DPYD: variants seen among roughly 807,000 people sequenced by gnomAD.
DPYD encodes the protein dihydropyrimidine dehydrogenase [NADP(+)].
In DPYD, 109 loss-of-function variants were observed where a neutral mutation model predicts 116.2. That is an observed-to-expected ratio of 0.94 (90% confidence interval 0.80 to 1.10). DPYD has a LOEUF of 1.10. Ranked by LOEUF, DPYD falls within the 50% of genes least tolerant of loss-of-function variation. The pLI, the probability that DPYD is intolerant of heterozygous loss-of-function variation, is 0.00. For missense variants in DPYD, 1,302 were observed against 1,254.5 expected (o/e 1.04, Z -0.57); for synonymous variants, 440 against 432.0 (o/e 1.02, Z -0.23).
intron 8 of DPYD, among the ~76,000 whole-genome samples, chr1:97,643,462 T>C (rs1004525979): frequency 3.9e-5 from 6 of 152,088 alleles, no homozygotes; most frequent in African/African-American, 1.2e-4. Context: ...TGTGGAGAAA[T>C]AGGAACACTT....
At chr1:97,553,781 G>C (rs1189239046) in intron 11 of DPYD, among the ~76,000 whole-genome samples, 3 of 152,004 alleles carry the variant, frequency 2.0e-5, no homozygotes, top group Non-Finnish European at 4.4e-5. Context: ...GAGCTCCATA[G>C]TTGAACAGAA....
intron 3 of DPYD, among the ~76,000 whole-genome samples, chr1:97,754,862 C>T (rs1665142363): frequency 6.6e-6 from 1 of 152,202 alleles, no homozygotes; most frequent in African/African-American, 2.4e-5. Context: ...ATTCCTCTAT[C>T]TTCAAAGCCT....
chr1:97,921,037 G>A (rs894896032), upstream of DPYD: 34 of 1,348,520 alleles, frequency 2.5e-5, no homozygotes, highest in Non-Finnish European at 3.2e-5. Context: ...GGCAGACTAG[G>A]GCCGGCGGCG....
At chr1:97,918,529 T>C (rs1674341551) in intron 1 of DPYD, among the ~76,000 whole-genome samples, 2 of 152,220 alleles carry the variant, frequency 1.3e-5, no homozygotes, top group African/African-American at 2.4e-5. Flanking sequence ...ATTCCAGCTA[T>C]GGAGTTTGGT....
intron 3 of DPYD, among the ~76,000 whole-genome samples, chr1:97,767,718 C>T (rs965622506): frequency 6.9e-6 from 1 of 144,276 alleles, no homozygotes; most frequent in African/African-American, 2.5e-5. Flanking sequence ...AGTAATAATA[C>T]ATGTTTATTA....
At chr1:97,738,941 A>G (rs1025377609) in intron 4 of DPYD, among the ~76,000 whole-genome samples, 2 of 152,098 alleles carry the variant, frequency 1.3e-5, no homozygotes, top group African/African-American at 4.8e-5. Context: ...TAGACCTTGA[A>G]TAAATGAAGT....
At position 97,809,467 on chromosome 1, in the gene DPYD, T is replaced by C. The variant is rs75422842; in HGVS notation, c.233+18647A>G. Among the ~76,000 whole-genome samples the C allele has an allele frequency of 6.6e-3, 998 of 152,318 alleles. 15 individuals carry two copies. The highest frequency in any genetic ancestry group is 0.023 in the African/African-American group (940 of 41,574). ...GGTGGCTTGGACTGAAGTGGTAGTC[T>C]TAGAGGCTGTCAGTCTTTTAATATT... On this transcript the variant is annotated intron_variant, in intron 3 of 22. Coordinates refer to ENST00000370192, the MANE Select transcript of DPYD (RefSeq NM_000110.4).
At chr1:97,470,543 T>G (rs1248905044) in intron 13 of DPYD, among the ~76,000 whole-genome samples, 1 of 152,148 alleles carries the variant, frequency 6.6e-6, no homozygotes, top group Non-Finnish European at 1.5e-5. Flanking sequence ...TTATCTTTGG[T>G]GAATGGATGC....
intron 18 of DPYD, among the ~76,000 whole-genome samples, chr1:97,301,303 A>G (rs1024658261): frequency 1.3e-5 from 2 of 152,074 alleles, no homozygotes; most frequent in African/African-American, 4.8e-5. Flanking sequence ...TTGTAATTGT[A>G]TAAGTTCATA....
chr1:97,527,285 G>C (rs185942629), intron 12 of DPYD, among the ~76,000 whole-genome samples: 27 of 152,130 alleles, frequency 1.8e-4, no homozygotes, highest in African/African-American at 5.3e-4. Context: ...CACCATGTTG[G>C]CCAGGATGGT....
intron 20 of DPYD, among the ~76,000 whole-genome samples, chr1:97,128,576 T>C (rs1653030900): frequency 6.6e-6 from 1 of 152,168 alleles, no homozygotes; most frequent in Non-Finnish European, 1.5e-5. Context: ...ATGGTGTGTG[T>C]TCTGAAGAGA....
Position 97,290,193 on chromosome 1 carries a change from T to C in DPYD, c.2299+15066A>G, listed in dbSNP as rs556787438. On this transcript the variant is annotated intron_variant, in intron 18 of 22. Coordinates refer to ENST00000370192, the MANE Select transcript of DPYD (RefSeq NM_000110.4). ...CACTGCTCAAGGAAATTAAAGAGGA[T>C]ACAAGTGGAAGAACATTCCATGCTC... is the stretch of plus-strand genomic sequence containing the variant. 2.0e-5 allele frequency among the ~76,000 whole-genome samples: 3 copies of C among 151,944 alleles called. No individual in the cohort carries two copies. In the East Asian group the frequency reaches 5.8e-4, roughly 30 times the overall value.
At chr1:97,117,159 A>T (rs1234129247) in intron 20 of DPYD, among the ~76,000 whole-genome samples, 2 of 144,018 alleles carry the variant, frequency 1.4e-5, no homozygotes, top group African/African-American at 5.1e-5. Flanking sequence ...GCAGGACTCC[A>T]TAAAAAAAAA....
intron 20 of DPYD, among the ~76,000 whole-genome samples, chr1:97,102,595 T>C (rs1650821072): frequency 6.6e-6 from 1 of 151,352 alleles, no homozygotes; most frequent in Non-Finnish European, 1.5e-5. Flanking sequence ...TTGACTTTTT[T>C]TTCCCAAAAG....
rs1443785532 is a variant in DPYD at position 97,290,564 on chromosome 1, T to C, written c.2299+14695A>G. 2.0e-5 allele frequency among the ~76,000 whole-genome samples: 3 copies of C among 152,110 alleles called. No individual in the cohort carries two copies. In the East Asian group the frequency reaches 5.8e-4, roughly 29 times the overall value. On this transcript the variant is annotated intron_variant, in intron 18 of 22. Coordinates refer to ENST00000370192, the MANE Select transcript of DPYD (RefSeq NM_000110.4). ...ACAACTATCTGATCTTTGAGAAACCTGACAAAAACAAGAAATAGGGAAAGG... is the reference window on the plus strand; with the variant it reads ...ACAACTATCTGATCTTTGAGAAACCCGACAAAAACAAGAAATAGGGAAAGG...
intron 18 of DPYD, among the ~76,000 whole-genome samples, chr1:97,272,538 T>A (rs1006736291): frequency 1.5e-4 from 23 of 152,156 alleles, no homozygotes; most frequent in African/African-American, 5.3e-4. Context: ...CTTTGTTCAA[T>A]CCCTTGAGTT....
intron 3 of DPYD, among the ~76,000 whole-genome samples, chr1:97,802,553 G>T (rs17117211): frequency 6.6e-6 from 1 of 151,592 alleles, no homozygotes; most frequent in African/African-American, 2.4e-5. Context: ...TTTCCTTTTG[G>T]GGCCTCAGAT....
chr1:97,115,455 A>G (rs1009020487), intron 20 of DPYD, among the ~76,000 whole-genome samples: 2 of 152,334 alleles, frequency 1.3e-5, no homozygotes, highest in South Asian at 2.1e-4. Flanking sequence ...AAGCACGTTT[A>G]GAAGAATTAA....
In DPYD at chr1:97,691,715, A is replaced by G. The variant is rs1057517065; in HGVS notation, c.762+2T>C. On this transcript the variant is annotated splice_donor_variant, in intron 7 of 22. Coordinates refer to ENST00000370192, the MANE Select transcript of DPYD (RefSeq NM_000110.4). LOFTEE classifies it high-confidence loss of function. ...ACACAGATAGGTGTTTTTTTCATTT[A>G]CCTTTACACCAAGGTCCTTCATTAG... 1 of 1,613,036 alleles carries G rather than the reference A, an allele frequency of 6.2e-7. No individual in the cohort carries two copies. Among genetic ancestry groups the G allele is most frequent in the Non-Finnish European group, 8.5e-7 (1 of 1,179,264 alleles).
Sources: allele counts gnomAD v4.1 joint callset (sites outside exome capture counted in the v4.1 genomes callset), GRCh38; gene constraint gnomAD v4.1.1; transcripts MANE v1.5; gene names NCBI Gene and HGNC (gene_info 2026-07-23, HGNC 2026-07-21).